Variants in LOC400499 observed in about 807,000 individuals in gnomAD.
chr16:11,411,848 T>C, the LOC400499 span, among the ~76,000 whole-genome samples: 162 of 86,810 alleles, frequency 1.9e-3, 1 homozygote, highest in African/African-American at 5.8e-3. Flanking sequence ...CACGTTTTTC[T>C]CTTTTTCTTT....
the LOC400499 span, chr16:11,387,292 G>A: frequency 3.2e-6 from 4 of 1,232,134 alleles, no homozygotes; most frequent in Admixed American, 4.2e-5. Context: ...CCACTGAGCG[G>A]TTCCTGCAGG....
chr16:11,461,412 G>A, the LOC400499 span, among the ~76,000 whole-genome samples: 3 of 152,260 alleles, frequency 2.0e-5, no homozygotes, highest in East Asian at 5.8e-4. Context: ...TAGAAGCAGG[G>A]ATCTCACTAT....
the LOC400499 span, chr16:11,459,761 G>A: frequency 1.1e-6 from 1 of 902,764 alleles, no homozygotes; most frequent in Admixed American, 4.2e-5. Flanking sequence ...GATGCAAAAG[G>A]GAAAGTCACC....
At chr16:11,480,664 AC>A in the LOC400499 span, among the ~76,000 whole-genome samples, 1 of 152,200 alleles carries the variant, frequency 6.6e-6, no homozygotes. Flanking sequence ...ACACCCTAAG[AC>A]TAAGCAATTT....
At chr16:11,399,057 C>G in the LOC400499 span, among the ~76,000 whole-genome samples, 3 of 152,162 alleles carry the variant, frequency 2.0e-5, no homozygotes, top group Admixed American at 6.5e-5. Context: ...CCCCATTTCT[C>G]CATGGCCTGG....
chr16:11,426,206 C>A, the LOC400499 span, among the ~76,000 whole-genome samples: 1 of 151,808 alleles, frequency 6.6e-6, no homozygotes, highest in African/African-American at 2.4e-5. Context: ...GAGGCTGAGA[C>A]AGGCAGATCA....
At chr16:11,479,139 G>A in the LOC400499 span, among the ~76,000 whole-genome samples, 10 of 152,172 alleles carry the variant, frequency 6.6e-5, no homozygotes, top group Admixed American at 2.6e-4. Context: ...GGAAGGGGTG[G>A]CTGAAGAGAA....
chr16:11,519,958 C>G, the LOC400499 span, among the ~76,000 whole-genome samples: 22 of 152,254 alleles, frequency 1.4e-4, no homozygotes, highest in East Asian at 3.9e-3. Context: ...CCGCCTCGGC[C>G]TCCCAATGAG....
the LOC400499 span, chr16:11,372,659 G>A: frequency 1.3e-6 from 1 of 759,636 alleles, no homozygotes; most frequent in Non-Finnish European, 1.6e-6. Flanking sequence ...TCTTGTCATT[G>A]TCAGGGAGCT....
chr16:11,436,145 T>TGG, the LOC400499 span, among the ~76,000 whole-genome samples: 1 of 152,118 alleles, frequency 6.6e-6, no homozygotes, highest in South Asian at 2.1e-4. Flanking sequence ...ACTGTACAAA[T>TGG]GGGGAAACTG....
chr16:11,522,704 G>C, the LOC400499 span, among the ~76,000 whole-genome samples: 29 of 152,308 alleles, frequency 1.9e-4, 1 homozygote, highest in African/African-American at 6.7e-4. Context: ...CCGCAGCTGG[G>C]ATTCCACCCT....
the LOC400499 span, among the ~76,000 whole-genome samples, chr16:11,432,656 G>A: frequency 6.6e-6 from 1 of 152,156 alleles, no homozygotes. Context: ...TGGGGCAGGG[G>A]ACACAGTTCC....
At chr16:11,414,680 C>T in the LOC400499 span, 3 of 397,278 alleles carry the variant, frequency 7.6e-6, no homozygotes, top group East Asian at 3.6e-5. Context: ...CCCCTTTGAG[C>T]CTCCGTGACA....
the LOC400499 span, among the ~76,000 whole-genome samples, chr16:11,410,520 A>G: frequency 1.1e-4 from 16 of 152,236 alleles, no homozygotes; most frequent in South Asian, 2.1e-4. Flanking sequence ...GTTGGAGCGA[A>G]GTTTGAGGAA....
the LOC400499 span, among the ~76,000 whole-genome samples, chr16:11,459,291 G>A: frequency 2.7e-5 from 4 of 150,364 alleles, no homozygotes; most frequent in South Asian, 8.5e-4. Flanking sequence ...CCGCCTCTGG[G>A]GTTCAAGCCA....
At chr16:11,460,992 G>A in the LOC400499 span, 1 of 1,535,774 alleles carries the variant, frequency 6.5e-7, no homozygotes, top group Non-Finnish European at 8.7e-7. Context: ...TCCTCAGGGA[G>A]TTGGTCCAGA....
chr16:11,458,601 G>A, the LOC400499 span, among the ~76,000 whole-genome samples: 10 of 152,124 alleles, frequency 6.6e-5, no homozygotes, highest in Non-Finnish European at 1.3e-4. Flanking sequence ...GTGCTTTCCA[G>A]GGACTGGGAG....
At chr16:11,479,743 A>T in the LOC400499 span, among the ~76,000 whole-genome samples, 20 of 152,296 alleles carry the variant, frequency 1.3e-4, no homozygotes, top group South Asian at 4.1e-3. Flanking sequence ...TGCATGGTGC[A>T]AACTAACAAA....
the LOC400499 span, among the ~76,000 whole-genome samples, chr16:11,410,220 G>A: frequency 2.0e-5 from 3 of 152,204 alleles, no homozygotes; most frequent in Admixed American, 2.0e-4. Context: ...TTGGGAGGCC[G>A]AGGTGGGTGG....
Sources: allele counts gnomAD v4.1 joint callset (sites outside exome capture counted in the v4.1 genomes callset), GRCh38; gene constraint gnomAD v4.1.1; transcripts MANE v1.5.